Variants in SV2C observed in about 807,000 individuals in gnomAD.
SV2C encodes the protein solute carrier family 22 member B3.
SV2C carries 49 observed loss-of-function variants against 79.7 expected under a neutral mutation model. The ratio of observed to expected loss-of-function variants is 0.61; its 90% CI spans 0.49 to 0.78. The LOEUF is 0.78. Ranked by LOEUF, SV2C falls within the 30% of genes least tolerant of loss-of-function variation. SV2C has a pLI of 0.00. For missense variants in SV2C, 833 were observed against 912.9 expected, an observed-to-expected ratio of 0.91 and a Z score of 1.13; for synonymous variants, 334 against 333.2, an observed-to-expected ratio of 1.00 and a Z score of -0.03.
the SV2C span, among the ~76,000 whole-genome samples, chr5:76,064,844 A>G: frequency 0.023 from 3,529 of 152,266 alleles, 115 homozygotes; most frequent in African/African-American, 0.076. Context: ...TGTTAAAGTG[A>G]TTTTAAGATC....
intron 12 of SV2C, among the ~76,000 whole-genome samples, chr5:76,348,208 T>C (rs770094035): frequency 6.6e-6 from 1 of 152,216 alleles, no homozygotes; most frequent in Non-Finnish European, 1.5e-5. Flanking sequence ...TTTCACTTAG[T>C]AATATGCATA....
intron 4 of SV2C, among the ~76,000 whole-genome samples, chr5:76,247,045 T>C (rs750046760): frequency 6.6e-6 from 1 of 152,188 alleles, no homozygotes; most frequent in Non-Finnish European, 1.5e-5. Flanking sequence ...GAGAGATGTA[T>C]TGATGACCTT....
the SV2C span, among the ~76,000 whole-genome samples, chr5:75,965,646 TAGAC>T: frequency 5.3e-5 from 8 of 152,320 alleles, no homozygotes; most frequent in South Asian, 8.3e-4. Flanking sequence ...TACAGTAGCT[TAGAC>T]AGACAAAGAG....
chr5:76,143,517 AG>A (rs1749326035), intron 2 of SV2C, among the ~76,000 whole-genome samples: 1 of 152,182 alleles, frequency 6.6e-6, no homozygotes, highest in South Asian at 2.1e-4. Context: ...AAATGTGAGC[AG>A]TGCTTCCCAG....
At chr5:75,911,474 C>T in the SV2C span, 2 of 851,626 alleles carry the variant, frequency 2.3e-6, no homozygotes, top group Non-Finnish European at 3.8e-6. Flanking sequence ...GGGAACATAC[C>T]CTCCAGTCCT....
At chr5:75,890,169 G>A in the SV2C span, among the ~76,000 whole-genome samples, 1 of 152,062 alleles carries the variant, frequency 6.6e-6, no homozygotes, top group African/African-American at 2.4e-5. Flanking sequence ...CCACAATGTA[G>A]ACTTTAAATT....
chr5:76,044,704 GC>G, the SV2C span, among the ~76,000 whole-genome samples: 1 of 152,100 alleles, frequency 6.6e-6, no homozygotes. Context: ...CCACATAAAT[GC>G]CTTCTTTTGA....
the SV2C span, among the ~76,000 whole-genome samples, chr5:76,036,216 T>C: frequency 6.6e-6 from 1 of 151,924 alleles, no homozygotes; most frequent in African/African-American, 2.4e-5. Context: ...AGTCTGTGTC[T>C]TTTAATTGGA....
intron 12 of SV2C, among the ~76,000 whole-genome samples, chr5:76,352,626 GA>G (rs1749662844): frequency 6.6e-6 from 1 of 152,212 alleles, no homozygotes; most frequent in Non-Finnish European, 1.5e-5. Flanking sequence ...AGAACTGTAA[GA>G]AAGAAATATG....
At chr5:76,064,184 C>T in the SV2C span, among the ~76,000 whole-genome samples, 1 of 152,098 alleles carries the variant, frequency 6.6e-6, no homozygotes, top group East Asian at 1.9e-4. Flanking sequence ...TAATACTAGA[C>T]TTCAGGACAG....
intron 2 of SV2C, among the ~76,000 whole-genome samples, chr5:76,161,078 C>T (rs959320057): frequency 6.6e-6 from 1 of 152,184 alleles, no homozygotes; most frequent in African/African-American, 2.4e-5. Flanking sequence ...AAAAACATTT[C>T]TAATAACACT....
the SV2C span, among the ~76,000 whole-genome samples, chr5:75,997,494 G>GA: frequency 2.6e-5 from 4 of 151,828 alleles, no homozygotes; most frequent in Non-Finnish European, 4.4e-5. Flanking sequence ...AAATTTACAA[G>GA]AAAAAAACAA....
At chr5:76,049,160 A>G in the SV2C span, among the ~76,000 whole-genome samples, 40 of 151,848 alleles carry the variant, frequency 2.6e-4, no homozygotes, top group Non-Finnish European at 4.9e-4. Context: ...ACATGATGAA[A>G]CACCCGTTCT....
At chr5:76,272,618 G>T (rs769106215) in intron 4 of SV2C, among the ~76,000 whole-genome samples, 8 of 151,222 alleles carry the variant, frequency 5.3e-5, no homozygotes, top group African/African-American at 2.0e-4. Context: ...GTTTTGTTTT[G>T]TTTTTTGTTT....
the SV2C span, among the ~76,000 whole-genome samples, chr5:75,863,800 A>G: frequency 2.0e-5 from 3 of 152,182 alleles, no homozygotes; most frequent in Non-Finnish European, 2.9e-5. Context: ...AGAAGATTAA[A>G]TGTCACTCTT....
At chr5:76,256,010 T>A (rs963623896) in intron 4 of SV2C, among the ~76,000 whole-genome samples, 5 of 152,228 alleles carry the variant, frequency 3.3e-5, no homozygotes, top group African/African-American at 1.2e-4. Flanking sequence ...TGTGCTAGGT[T>A]GTTTTTATGA....
chr5:76,172,096 C>G (rs1580326647), intron 2 of SV2C, among the ~76,000 whole-genome samples: 1 of 48,704 alleles, frequency 2.1e-5, no homozygotes, highest in Non-Finnish European at 3.5e-5. Context: ...GCCAGCCGCC[C>G]TGTCCGGGAG....
chr5:76,199,628 G>A (rs746940039), intron 3 of SV2C, among the ~76,000 whole-genome samples: 3 of 152,172 alleles, frequency 2.0e-5, no homozygotes, highest in Non-Finnish European at 4.4e-5. Context: ...TTGCTTAATC[G>A]CCCATGGCAG....
At chr5:75,970,811 C>T in the SV2C span, among the ~76,000 whole-genome samples, 4 of 152,222 alleles carry the variant, frequency 2.6e-5, no homozygotes, top group Non-Finnish European at 5.9e-5. Context: ...GGAATCCTCC[C>T]TAACTCATTT....
Sources: allele counts gnomAD v4.1 joint callset (sites outside exome capture counted in the v4.1 genomes callset), GRCh38; gene constraint gnomAD v4.1.1; transcripts MANE v1.5; gene names NCBI Gene and HGNC (gene_info 2026-07-23, HGNC 2026-07-21).